CLPSL1: variants seen among roughly 807,000 people sequenced by gnomAD.
CLPSL1 encodes the protein colipase-like protein 1.
Under a neutral mutation model 9.3 loss-of-function variants are expected in CLPSL1, and 13 were observed. The ratio of observed to expected loss-of-function variants is 1.40; its 90% CI spans 0.91 to 2.22. CLPSL1 has a LOEUF of 2.22. CLPSL1 is among the 30% of genes most tolerant of loss of function. The pLI is 0.00. For synonymous variants in CLPSL1, 58 were observed against 56.9 expected, an observed-to-expected ratio of 1.02 and a Z score of -0.08; for missense variants, 164 against 146.6, an observed-to-expected ratio of 1.12 and a Z score of -0.61.
chr6:35,786,982 G>A lies in CLPSL1; in HGVS notation c.100-16G>A. 6.4e-7 allele frequency: 1 copy of A among 1,565,900 alleles called. No homozygotes were observed. The highest frequency in any genetic ancestry group is 8.6e-7 in the Non-Finnish European group (1 of 1,157,106). ...GCGGGCGGTGGAGCCTGGCGGTGCC[G>A]TGTCCCTCCCTGCAGGAGCTCAAGG... On this transcript the variant is annotated splice_polypyrimidine_tract_variant and intron_variant, in intron 1 of 2. Coordinates refer to ENST00000373861, the MANE Select transcript of CLPSL1 (RefSeq NM_001010886.5).
chr6:35,785,299 T>G (rs1768047051), intron 1 of CLPSL1, among the ~76,000 whole-genome samples: 1 of 149,864 alleles, frequency 6.7e-6, no homozygotes, highest in African/African-American at 2.5e-5. Context: ...TGCCTCAGCC[T>G]CCCAAGTAGC....
At chr6:35,786,175 C>G (rs1274446730) in intron 1 of CLPSL1, among the ~76,000 whole-genome samples, 1 of 152,066 alleles carries the variant, frequency 6.6e-6, no homozygotes, top group African/African-American at 2.4e-5. Context: ...TTGCTTGAAC[C>G]CAGGAGGTGG....
At chr6:35,788,665 G>A (rs1581955539), downstream of CLPSL1, among the ~76,000 whole-genome samples, 1 of 152,388 alleles carries the variant, frequency 6.6e-6, no homozygotes, top group African/African-American at 2.4e-5. Flanking sequence ...TCTTCTGGGA[G>A]GCAAGAGAAA....
At chr6:35,784,096 A>G (rs1352795863) in intron 1 of CLPSL1, among the ~76,000 whole-genome samples, 2 of 151,856 alleles carry the variant, frequency 1.3e-5, no homozygotes, top group Non-Finnish European at 2.9e-5. Context: ...TTTTATACAC[A>G]TTGGGGAGAC....
chr6:35,791,495 C>G (rs59313399), downstream of CLPSL1, among the ~76,000 whole-genome samples: 1 of 151,920 alleles, frequency 6.6e-6, no homozygotes, highest in African/African-American at 2.4e-5. Flanking sequence ...GTAATCCCAG[C>G]TACTCGGGAG....
At chr6:35,786,282 C>A (rs562871022) in intron 1 of CLPSL1, among the ~76,000 whole-genome samples, 2 of 152,312 alleles carry the variant, frequency 1.3e-5, no homozygotes, top group East Asian at 3.9e-4. Flanking sequence ...AATTTAAATT[C>A]AGCTCCTCAG....
downstream of CLPSL1, among the ~76,000 whole-genome samples, chr6:35,789,740 A>G (rs1342427853): frequency 6.6e-6 from 1 of 152,214 alleles, no homozygotes; most frequent in African/African-American, 2.4e-5. Flanking sequence ...CTAAAAATAC[A>G]AAAATTAGCT....
At chr6:35,787,762 C>T (rs1768111022) in intron 2 of CLPSL1, 105 bp from the exon 3 acceptor site, 5 of 1,095,908 alleles carry the variant, frequency 4.6e-6, no homozygotes, top group Non-Finnish European at 6.8e-6. Flanking sequence ...TCCCTGGATC[C>T]TGGCTGTGGG....
intron 1 of CLPSL1, among the ~76,000 whole-genome samples, chr6:35,784,128 G>A (rs1768024738): frequency 6.6e-6 from 1 of 152,076 alleles, no homozygotes; most frequent in Non-Finnish European, 1.5e-5. Flanking sequence ...GTCAGTACCT[G>A]TAAGATTTAC....
rs1348018450 is a variant in CLPSL1 at position 35,788,057 on chromosome 6, C to G, written c.*47C>G. Reference sequence around the variant, plus strand: ...TCCTCCTCCTCCACCTGCTCTCCTCCCTACCCAGAGCTCTGTGTTCACCCT... The same window carrying G: ...TCCTCCTCCTCCACCTGCTCTCCTCGCTACCCAGAGCTCTGTGTTCACCCT... On this transcript the variant is annotated 3_prime_UTR_variant, in exon 3 of 3. Transcript: ENST00000373861. 1.4e-6 allele frequency: 2 copies of G among 1,440,448 alleles called. No individual in the cohort carries two copies. Among genetic ancestry groups the G allele is most frequent in the African/African-American group, 1.4e-5 (1 of 71,466 alleles). The allele number at this position is 1,440,448 out of a possible 1,614,324, so 89.2% of individuals were successfully genotyped here. A position where few individuals can be genotyped will look rare whatever the true frequency, so the allele number is the denominator to read the frequency against.
chr6:35,791,880 C>A (rs1464446865), downstream of CLPSL1, among the ~76,000 whole-genome samples: 1 of 152,034 alleles, frequency 6.6e-6, no homozygotes, highest in Middle Eastern at 3.2e-3. Flanking sequence ...CCAGCCTGGG[C>A]AACATGGTGA....
In CLPSL1 at chr6:35,787,345, C is replaced by T. The variant is rs186388963; in HGVS notation, c.222+225C>T. On this transcript the variant is annotated intron_variant, in intron 2 of 2. Transcript: ENST00000373861. ...GGAATCCTGGATTGGGGCGGGAAGG[C>T]GATGTTTCACTTTCTAATGTGGGTT... Among the ~76,000 whole-genome samples the T allele has an allele frequency of 4.0e-3, 606 of 152,208 alleles. 1 individual carries two copies. The highest frequency in any genetic ancestry group is 0.014 in the African/African-American group (566 of 41,432).
rs539294611 is a variant in CLPSL1 at position 35,782,998 on chromosome 6, G to A, written c.99+1789G>A. ...TGTGGTAAAAATCACACCTTACTAG[G>A]TGCTCAGATCTTGAGTTTACATGGA... is the stretch of plus-strand genomic sequence containing the variant. On this transcript the variant is annotated intron_variant, in intron 1 of 2. Transcript: ENST00000373861. Among the ~76,000 whole-genome samples the A allele has an allele frequency of 3.9e-5, 6 of 152,064 alleles. No homozygotes were observed. The South Asian group carries it at 6.2e-4, about 16-fold the overall frequency.
At chr6:35,781,951 C>T (rs569481896) in intron 1 of CLPSL1, among the ~76,000 whole-genome samples, 4 of 151,948 alleles carry the variant, frequency 2.6e-5, no homozygotes, top group East Asian at 1.9e-4. Context: ...AGGGTTTCAC[C>T]GTATTGGTCA....
downstream of CLPSL1, chr6:35,788,180 G>A: frequency 1.6e-6 from 1 of 643,302 alleles, no homozygotes. Flanking sequence ...GGGCCTGGGT[G>A]GGCTGGGCTG....
chr6:35,793,492 C>T (rs1768263331), exon 2 of CLPSL1: 1 of 471,546 alleles, frequency 2.1e-6, no homozygotes, highest in African/African-American at 2.0e-5. Flanking sequence ...TCCCAGCTGC[C>T]AGCTACTCCA....
chr6:35,791,001 C>T (rs1294230055), downstream of CLPSL1, among the ~76,000 whole-genome samples: 3 of 150,142 alleles, frequency 2.0e-5, no homozygotes, highest in African/African-American at 7.4e-5. Flanking sequence ...GCCATGGTCG[C>T]ACCACTGCAT....
At chr6:35,793,479 C>G in intron 1 of CLPSL1, 1 of 471,694 alleles carries the variant, frequency 2.1e-6, no homozygotes, top group Non-Finnish European at 4.4e-6. Flanking sequence ...CCTTCTCCCG[C>G]CTTCCCAGCT....
chr6:35,790,474 G>A (rs191214217), downstream of CLPSL1, among the ~76,000 whole-genome samples: 36 of 152,358 alleles, frequency 2.4e-4, no homozygotes, highest in African/African-American at 7.9e-4. Context: ...GAATTAAACC[G>A]ATAAAAGAGA....
Sources: gnomAD v4.1 joint callset for allele counts (sites outside exome capture counted in the v4.1 genomes callset) on GRCh38, gnomAD v4.1.1 for gene constraint, MANE v1.5 for transcripts, NCBI Gene and HGNC (gene_info 2026-07-23, HGNC 2026-07-21) for gene names.